EYS: variants seen among roughly 807,000 people sequenced by gnomAD.
EYS encodes EGF-like photoreceptor maintenance factor.
A neutral mutation model predicts 282.1 loss-of-function variants in EYS; 250 were observed. The ratio of observed to expected loss-of-function variants is 0.89; its 90% confidence interval spans 0.80 to 0.98. The LOEUF is 0.98. Ranked by LOEUF, EYS falls within the 50% of genes least tolerant of loss-of-function variation. EYS has a pLI of 0.00. For missense variants in EYS, 4,016 were observed against 3,709.0 expected, an observed-to-expected ratio of 1.08 and a Z score of -2.15; for synonymous variants, 1,355 against 1,282.9, an observed-to-expected ratio of 1.06 and a Z score of -1.20.
chr6:64,263,334 G>A (rs1052863449), intron 30 of EYS, among the ~76,000 whole-genome samples: 8 of 151,884 alleles, frequency 5.3e-5, no homozygotes, highest in Non-Finnish European at 8.8e-5. Context: ...AAACTTCTGC[G>A]ATATTAGTTT....
intron 1 of EYS, among the ~76,000 whole-genome samples, chr6:65,648,928 C>A (rs550562830): frequency 6.6e-6 from 1 of 151,452 alleles, no homozygotes; most frequent in Non-Finnish European, 1.5e-5. Flanking sequence ...AGGTAGATCA[C>A]GGGGTCAGGA....
chr6:63,828,268 CA>C (rs1240016988), intron 36 of EYS, among the ~76,000 whole-genome samples: 7 of 152,098 alleles, frequency 4.6e-5, no homozygotes, highest in African/African-American at 1.7e-4. Context: ...CTAAAAAATA[CA>C]AAAGATAAAT....
At chr6:65,172,626 GA>G (rs1330704981) in intron 12 of EYS, among the ~76,000 whole-genome samples, 7 of 151,134 alleles carry the variant, frequency 4.6e-5, no homozygotes, top group Non-Finnish European at 1.0e-4. Flanking sequence ...TATTCAAGTA[GA>G]AAACAGGAAG....
intron 29 of EYS, among the ~76,000 whole-genome samples, chr6:64,347,126 CA>C (rs988281107): frequency 1.3e-5 from 2 of 151,256 alleles, no homozygotes; most frequent in East Asian, 2.0e-4. Context: ...CTAGTTTCTT[CA>C]AAAAAATTTT....
intron 2 of EYS, among the ~76,000 whole-genome samples, chr6:65,516,982 A>G (rs944215153): frequency 3.3e-5 from 5 of 152,032 alleles, no homozygotes; most frequent in African/African-American, 1.2e-4. Context: ...TTCCTTTAAA[A>G]TGATAATAAA....
At chr6:64,252,445 G>T (rs901671768) in intron 30 of EYS, among the ~76,000 whole-genome samples, 3 of 152,088 alleles carry the variant, frequency 2.0e-5, no homozygotes, top group African/African-American at 7.2e-5. Flanking sequence ...TGGCTTCCTT[G>T]ACTCCAGTCT....
At chr6:64,114,318 A>T in intron 31 of EYS, among the ~76,000 whole-genome samples, 1 of 152,114 alleles carries the variant, frequency 6.6e-6, no homozygotes, top group Admixed American at 6.5e-5. Flanking sequence ...TTATTTTATT[A>T]GCTTTATTCT....
intron 2 of EYS, among the ~76,000 whole-genome samples, chr6:65,564,033 A>G (rs910606146): frequency 6.6e-6 from 1 of 152,162 alleles, no homozygotes; most frequent in African/African-American, 2.4e-5. Flanking sequence ...TGCTACAAAG[A>G]GAATAAAAAT....
At chr6:63,870,220 A>G (rs1451376655) in intron 35 of EYS, among the ~76,000 whole-genome samples, 2 of 152,244 alleles carry the variant, frequency 1.3e-5, no homozygotes, top group Non-Finnish European at 1.5e-5. Context: ...ATAAAAAATT[A>G]TCTTAAAATA....
intron 22 of EYS, among the ~76,000 whole-genome samples, chr6:64,632,967 A>G (rs1438603347): frequency 6.6e-6 from 1 of 152,180 alleles, no homozygotes. Flanking sequence ...GTATTTTCAA[A>G]TGTGTAATTT....
chr6:65,519,660 G>A (rs1268757090), intron 2 of EYS, among the ~76,000 whole-genome samples: 1 of 129,122 alleles, frequency 7.7e-6, no homozygotes, highest in East Asian at 2.4e-4. Flanking sequence ...CCAGGTGACT[G>A]AGAACACTTG....
At chr6:65,382,772 T>A (rs1257799890) in intron 8 of EYS, among the ~76,000 whole-genome samples, 5 of 151,918 alleles carry the variant, frequency 3.3e-5, no homozygotes, top group Non-Finnish European at 1.5e-5. Flanking sequence ...TCTAGCCTAT[T>A]TATGTTTTTC....
At chr6:64,377,475 A>G (rs1772597069) in intron 29 of EYS, among the ~76,000 whole-genome samples, 1 of 152,114 alleles carries the variant, frequency 6.6e-6, no homozygotes, top group Non-Finnish European at 1.5e-5. Flanking sequence ...GTATTCAATG[A>G]CTGTGTAACT....
intron 35 of EYS, among the ~76,000 whole-genome samples, chr6:63,969,736 C>T (rs1293407111): frequency 6.6e-6 from 1 of 152,148 alleles, no homozygotes; most frequent in Non-Finnish European, 1.5e-5. Context: ...TGTTCTTCAT[C>T]CCCCACAGGA....
At chr6:63,723,399 C>G (rs1768482119) in intron 42 of EYS, among the ~76,000 whole-genome samples, 1 of 152,078 alleles carries the variant, frequency 6.6e-6, no homozygotes, top group Non-Finnish European at 1.5e-5. Context: ...ACTTTGTGGC[C>G]TGCAAGTGAA....
Position 64,862,370 on chromosome 6 carries a change from A to C in EYS, c.2992+24327T>G, listed in dbSNP as rs138915509. On this transcript the variant is annotated intron_variant, in intron 19 of 42. Transcript: ENST00000503581. The stretch of plus-strand genomic sequence containing the variant: ...GGTGGACTTCAGTTGTTTTTCAGCT[A>C]TTCATTTTGTTGTTGTTTCAATGAT... 1.5e-4 allele frequency among the ~76,000 whole-genome samples: 23 copies of C among 152,244 alleles called. No individual in the cohort carries two copies. The East Asian group carries it at 4.1e-3, about 27-fold the overall frequency.
chr6:63,936,837 G>C (rs967054426), intron 35 of EYS, among the ~76,000 whole-genome samples: 1 of 152,110 alleles, frequency 6.6e-6, no homozygotes, highest in African/African-American at 2.4e-5. Flanking sequence ...ATCTTTCTGC[G>C]TGTCACCAGG....
intron 13 of EYS, among the ~76,000 whole-genome samples, chr6:65,020,688 C>G (rs2150138282): frequency 6.6e-6 from 1 of 152,292 alleles, no homozygotes; most frequent in Non-Finnish European, 1.5e-5. Context: ...TGTGGGGGCT[C>G]CAACCCCACA....
chr6:65,314,201 TCTC>T (rs1276537764), intron 11 of EYS, among the ~76,000 whole-genome samples: 1 of 151,758 alleles, frequency 6.6e-6, no homozygotes, highest in Non-Finnish European at 1.5e-5. Context: ...AATGTTACCT[TCTC>T]AATGATCACC....
Sources: gnomAD v4.1 joint callset for allele counts (sites outside exome capture counted in the v4.1 genomes callset) on GRCh38, gnomAD v4.1.1 for gene constraint, MANE v1.5 for transcripts, NCBI Gene and HGNC (gene_info 2026-07-23, HGNC 2026-07-21) for gene names.